The following HOXC5 variants were observed in gnomAD, a reference collection of about 807,000 sequenced individuals.
HOXC5 encodes homeobox protein Hox-C5.
In HOXC5, 19 loss-of-function variants were observed where a neutral mutation model predicts 20.1. The ratio of observed to expected loss-of-function variants is 0.94; its 90% CI spans 0.66 to 1.38. The LOEUF is 1.38. Ranked by LOEUF, HOXC5 falls within the 40% of genes most tolerant of loss-of-function variation. HOXC5 has a pLI of 0.00. For missense variants in HOXC5, 330 were observed against 300.1 expected (o/e 1.10, Z -0.74); for synonymous variants, 124 against 117.0 (o/e 1.06, Z -0.39).
chr12:54,030,113 C>T, upstream of HOXC5: 2 of 719,620 alleles, frequency 2.8e-6, no homozygotes, highest in Non-Finnish European at 2.2e-6. Context: ...ACCTGAAAGT[C>T]AGCTCTGGAC....
At chr12:54,021,582 T>C in the HOXC5 span, 1 of 152,236 alleles carries the variant, frequency 6.6e-6, no homozygotes. Context: ...CTACTCTCTC[T>C]AGGTGATCGG....
At chr12:54,022,703 A>C in the HOXC5 span, 1 of 152,096 alleles carries the variant, frequency 6.6e-6, no homozygotes, top group South Asian at 2.1e-4. Context: ...AAAGGAAAAA[A>C]CATGAAAGGA....
the HOXC5 span, among the ~76,000 whole-genome samples, chr12:54,023,100 C>T: frequency 3.3e-5 from 5 of 152,210 alleles, no homozygotes; most frequent in Admixed American, 2.0e-4. Context: ...TCCCAGATCA[C>T]AGAGAGCTGT....
At chr12:54,029,070 C>T (rs910672367), upstream of HOXC5, 3 of 788,680 alleles carry the variant, frequency 3.8e-6, no homozygotes, top group Admixed American at 8.7e-5. Flanking sequence ...CCCTCTTCTG[C>T]CCCCTCAGCT....
the HOXC5 span, among the ~76,000 whole-genome samples, chr12:54,025,913 C>T: frequency 1.3e-5 from 2 of 152,056 alleles, no homozygotes; most frequent in African/African-American, 2.4e-5. Flanking sequence ...GCCCCAGAAG[C>T]CCCTTCTTTC....
In HOXC5 at chr12:54,034,843, C is replaced by G. The variant is rs1015299397; in HGVS notation, c.*351C>G. ...GCTCCCAGCCTCAGCGCGGCCCTCC[C>G]GAGTTAAGGTGGGCCCGGCCCGCGC... On this transcript the variant is annotated 3_prime_UTR_variant, in exon 2 of 2. Coordinates refer to ENST00000312492, the MANE Select transcript of HOXC5 (RefSeq NM_018953.4). 1.3e-5 allele frequency: 4 copies of G among 304,584 alleles called. No homozygotes were observed. Among genetic ancestry groups the G allele is most frequent in the East Asian group, 7.9e-5 (1 of 12,690 alleles). The allele number at this position is 304,584 out of a possible 1,614,324, so 18.9% of individuals were successfully genotyped here. A position where few individuals can be genotyped will look rare whatever the true frequency, so the allele number is the denominator to read the frequency against.
At chr12:54,019,456 A>G in the HOXC5 span, among the ~76,000 whole-genome samples, 3 of 152,284 alleles carry the variant, frequency 2.0e-5, no homozygotes, top group South Asian at 4.1e-4. Flanking sequence ...GAGAGGCCCG[A>G]AAAAGGGAGC....
At chr12:54,030,189 G>T, upstream of HOXC5, 1 of 471,770 alleles carries the variant, frequency 2.1e-6, no homozygotes, top group Non-Finnish European at 3.8e-6. Context: ...TTGCTAGCTC[G>T]TTCTCGGCTT....
the HOXC5 span, among the ~76,000 whole-genome samples, chr12:54,019,647 C>G: frequency 6.6e-6 from 1 of 152,024 alleles, no homozygotes; most frequent in Non-Finnish European, 1.5e-5. Flanking sequence ...AGTGGAGATT[C>G]ACCTAGAATA....
rs61921797 is a variant in HOXC5 at position 54,034,963 on chromosome 12, G to A, written c.*471G>A. The stretch of plus-strand genomic sequence containing the variant: ...AAAGGCTGGCGAGAGTCTGGCCCTA[G>A]ACTCGGGGTGCTTCCTTGTAGCGAC... On this transcript the variant is annotated 3_prime_UTR_variant, in exon 2 of 2. Coordinates refer to ENST00000312492, the MANE Select transcript of HOXC5 (RefSeq NM_018953.4). 0.33 allele frequency: 59,569 copies of A among 182,724 alleles called. 10,140 individuals carry two copies. Among genetic ancestry groups the A allele is most frequent in the East Asian group, 0.42 (3,171 of 7,590 alleles). 11.3% of individuals were successfully genotyped at this position (182,724 alleles called of 1,614,324 possible). A position where few individuals can be genotyped will look rare whatever the true frequency, so the allele number is the denominator to read the frequency against.
chr12:54,028,663 C>T, upstream of HOXC5: 3 of 1,614,078 alleles, frequency 1.9e-6, no homozygotes, highest in Non-Finnish European at 2.5e-6. Context: ...TGCCCAGAAC[C>T]GGATCTACTC....
chr12:54,033,864 G>C, intron 1 of HOXC5: 1 of 499,444 alleles, frequency 2.0e-6, no homozygotes, highest in Admixed American at 3.7e-5. Context: ...CGGGGCTCCA[G>C]AGCGGGGATC....
At chr12:54,027,656 C>G in the HOXC5 span, among the ~76,000 whole-genome samples, 1 of 152,084 alleles carries the variant, frequency 6.6e-6, no homozygotes, top group Non-Finnish European at 1.5e-5. Flanking sequence ...TATACATTTT[C>G]CCTTTTAGGC....
At chr12:54,025,518 A>G in the HOXC5 span, among the ~76,000 whole-genome samples, 6,594 of 67,710 alleles carry the variant, frequency 0.097, 198 homozygotes, top group South Asian at 0.23. Flanking sequence ...CTCAGGAATG[A>G]AAGGTAATTG....
chr12:54,029,420 C>CT (rs1391240893), upstream of HOXC5, among the ~76,000 whole-genome samples: 2 of 141,608 alleles, frequency 1.4e-5, no homozygotes, highest in African/African-American at 5.2e-5. Context: ...CGCCCCCCCC[C>CT]CCACCACACA....
Position 54,034,612 on chromosome 12 carries a change from G to C in HOXC5, c.*120G>C. The C allele has an allele frequency of 1.3e-6, 1 of 792,378 alleles. No homozygotes were observed. The highest frequency in any genetic ancestry group is 2.0e-6 in the Non-Finnish European group (1 of 499,492). 49.1% of individuals were successfully genotyped at this position (792,378 alleles called of 1,614,324 possible). ...GCAGGTGCTGGAGCACTGGGCTCCC[G>C]GGCCCCACAGACAAAAGCGCTTTTC... On this transcript the variant is annotated 3_prime_UTR_variant, in exon 2 of 2. Transcript: ENST00000312492.
upstream of HOXC5, among the ~76,000 whole-genome samples, chr12:54,029,403 G>GCC (rs1234645036): frequency 6.6e-4 from 39 of 58,860 alleles, no homozygotes; most frequent in Admixed American, 1.5e-3. Context: ...CTTTTGCCCC[G>GCC]CCCCCCCGCC....
the HOXC5 span, among the ~76,000 whole-genome samples, chr12:54,022,952 G>A: frequency 1.3e-5 from 2 of 152,226 alleles, no homozygotes; most frequent in African/African-American, 2.4e-5. Flanking sequence ...TCTTCCTCAT[G>A]TGACATCCTC....
chr12:54,018,032 G>C, the HOXC5 span, among the ~76,000 whole-genome samples: 1 of 152,192 alleles, frequency 6.6e-6, no homozygotes, highest in African/African-American at 2.4e-5. Flanking sequence ...TTGGCAATTA[G>C]GGGGGAGGCT....
Sources: gnomAD v4.1 joint callset for allele counts (sites outside exome capture counted in the v4.1 genomes callset) on GRCh38, gnomAD v4.1.1 for gene constraint, MANE v1.5 for transcripts, NCBI Gene and HGNC (gene_info 2026-07-23, HGNC 2026-07-21) for gene names.